Variants in SBF2 observed in about 807,000 individuals in gnomAD.
SBF2 encodes the protein myotubularin-related protein 13.
Under a neutral mutation model 225.2 loss-of-function variants are expected in SBF2, and 112 were observed. The observed-to-expected ratio is 0.50, with a 90% CI of 0.43 to 0.58. The LOEUF (loss-of-function observed/expected upper bound fraction) is 0.58. SBF2 is among the 20% of genes least tolerant of loss of function. The pLI is 0.00. For synonymous variants in SBF2, 763 were observed against 773.3 expected, an observed-to-expected ratio of 0.99 and a Z score of 0.22; for missense variants, 1,996 against 2,206.2, an observed-to-expected ratio of 0.90 and a Z score of 1.91.
At chr11:10,208,012 AAC>A (rs1423581275) in intron 1 of SBF2, among the ~76,000 whole-genome samples, 1 of 152,154 alleles carries the variant, frequency 6.6e-6, no homozygotes, top group African/African-American at 2.4e-5. Flanking sequence ...ATGGTTGATA[AAC>A]TAATCTAAGA....
chr11:9,874,688 C>T lies in SBF2; in HGVS notation c.1930-16292G>A, dbSNP rs139623837. On this transcript the variant is annotated intron_variant, in intron 17 of 39. Transcript: ENST00000256190. ...AGTGACAGCCAGCCAGTGTGATTCA[C>T]TGAGGTACTGCCTACACAAATTAGA... Among the ~76,000 whole-genome samples the T allele has an allele frequency of 2.6e-3, 403 of 152,292 alleles. 3 individuals are homozygous for T. The highest frequency in any genetic ancestry group is 9.3e-3 in the African/African-American group (385 of 41,552).
chr11:10,286,647 G>A (rs1019521571), intron 1 of SBF2, among the ~76,000 whole-genome samples: 7 of 152,184 alleles, frequency 4.6e-5, no homozygotes, highest in Admixed American at 3.3e-4. Flanking sequence ...TGTGAGCCAC[G>A]GCACCCAGCC....
intron 2 of SBF2, among the ~76,000 whole-genome samples, chr11:10,143,565 T>G (rs944265349): frequency 6.6e-6 from 1 of 152,194 alleles, no homozygotes; most frequent in African/African-American, 2.4e-5. Flanking sequence ...ATACCTATAC[T>G]AAAACAGTAA....
intron 38 of SBF2, among the ~76,000 whole-genome samples, chr11:9,782,047 G>C (rs1337892162): frequency 6.6e-6 from 1 of 151,966 alleles, no homozygotes; most frequent in Non-Finnish European, 1.5e-5. Flanking sequence ...TCAGCCAATC[G>C]TGGTGGTGCA....
intron 17 of SBF2, among the ~76,000 whole-genome samples, chr11:9,879,554 T>C (rs1466599314): frequency 6.6e-6 from 1 of 152,146 alleles, no homozygotes; most frequent in Non-Finnish European, 1.5e-5. Context: ...GGGCTAAGCT[T>C]GGTGAGCATA....
At chr11:9,878,466 C>A (rs1477029429) in intron 17 of SBF2, among the ~76,000 whole-genome samples, 1 of 152,108 alleles carries the variant, frequency 6.6e-6, no homozygotes, top group Non-Finnish European at 1.5e-5. Context: ...GAAGTCCTTG[C>A]CCATGCCAAT....
chr11:9,804,477 A>T (rs1853675638), intron 32 of SBF2, among the ~76,000 whole-genome samples: 1 of 152,164 alleles, frequency 6.6e-6, no homozygotes, highest in Non-Finnish European at 1.5e-5. Flanking sequence ...AAATTTCCCT[A>T]CTTTAAGTGT....
chr11:9,862,627 T>C (rs1222835175), intron 17 of SBF2, among the ~76,000 whole-genome samples: 6 of 152,194 alleles, frequency 3.9e-5, no homozygotes, highest in Admixed American at 3.9e-4. Flanking sequence ...AATGAGACTT[T>C]AGGGTTTCAA....
chr11:9,959,482 T>C lies in SBF2; in HGVS notation c.1860+2475A>G, dbSNP rs527908110. On this transcript the variant is annotated intron_variant, in intron 16 of 39. Transcript: ENST00000256190. ...TTTACAGGTGTGCCTCAAATTGGTC[T>C]CTGCAGGCTTTCGATTGCACTTGAA... 53 of 913,730 alleles carry C rather than the reference T, an allele frequency of 5.8e-5. No homozygotes were observed. The African/African-American group carries it at 7.0e-4, about 12-fold the overall frequency. 56.6% of individuals were successfully genotyped at this position (913,730 alleles called of 1,614,324 possible).
intron 1 of SBF2, among the ~76,000 whole-genome samples, chr11:10,276,015 A>T (rs1962934191): frequency 6.6e-6 from 1 of 152,230 alleles, no homozygotes; most frequent in Non-Finnish European, 1.5e-5. Context: ...AAGCTTGAAA[A>T]AAAGCAATGT....
At chr11:10,279,394 C>G (rs1296706496) in intron 1 of SBF2, among the ~76,000 whole-genome samples, 1 of 136,250 alleles carries the variant, frequency 7.3e-6, no homozygotes. Flanking sequence ...GCCTGGGCAA[C>G]AAGAGCGAGA....
chr11:9,933,061 A>C (rs1864618351), intron 16 of SBF2, among the ~76,000 whole-genome samples: 1 of 151,604 alleles, frequency 6.6e-6, no homozygotes, highest in Non-Finnish European at 1.5e-5. Flanking sequence ...AGAGACAAAG[A>C]AGGCCATTAC....
Position 9,794,676 on chromosome 11 carries a change from CAAAAAAAA to C in SBF2, c.4570+1147_4570+1154del, listed in dbSNP as rs575749593. ...TGATACAGTGAGTGGGACTCCGTCT[CAAAAAAAA>C]AAAAAAAAAAAAAAAAAAAAAAAGA... is the stretch of plus-strand genomic sequence containing the variant. On this transcript the variant is annotated intron_variant, in intron 33 of 39. Coordinates refer to ENST00000256190, the MANE Select transcript of SBF2 (RefSeq NM_030962.4). Among the ~76,000 whole-genome samples the C allele has an allele frequency of 2.2e-3, 79 of 35,350 alleles. No homozygotes were observed. In the South Asian group the frequency reaches 0.048, roughly 21 times the overall value. 23.2% of individuals were successfully genotyped at this position (35,350 alleles called of 152,430 possible). A position where few individuals can be genotyped will look rare whatever the true frequency, so the allele number is the denominator to read the frequency against.
intron 31 of SBF2, 166 bp from the exon 32 acceptor site, chr11:9,808,351 T>C: frequency 4.5e-6 from 3 of 660,312 alleles, no homozygotes; most frequent in Non-Finnish European, 8.0e-6. Flanking sequence ...TTTTGTAAAC[T>C]TGCCAGTAAA....
chr11:9,967,971 C>CTCTCTCTCTCTCTA (rs1260685462), intron 14 of SBF2, among the ~76,000 whole-genome samples: 2 of 91,506 alleles, frequency 2.2e-5, no homozygotes, highest in South Asian at 3.4e-4. Flanking sequence ...CTCTCTCTCT[C>CTCTCTCTCTCTCTA]TATATATATA....
At chr11:9,787,954 C>G (rs1590084377) in intron 35 of SBF2, 8 of 585,826 alleles carry the variant, frequency 1.4e-5, no homozygotes, top group East Asian at 1.2e-4. Flanking sequence ...TTATTAGGAC[C>G]TATAACTAGG....
At chr11:9,819,661 GGGGTGTGTAT>G (rs770521073) in intron 28 of SBF2, among the ~76,000 whole-genome samples, 3 of 152,176 alleles carry the variant, frequency 2.0e-5, no homozygotes, top group Non-Finnish European at 4.4e-5. Flanking sequence ...TAAGGAATTT[GGGGTGTGTAT>G]GGGTGAATGT....
At chr11:9,989,245 AG>A (rs981691586) in intron 13 of SBF2, among the ~76,000 whole-genome samples, 1 of 152,112 alleles carries the variant, frequency 6.6e-6, no homozygotes, top group Non-Finnish European at 1.5e-5. Context: ...CTAAGCTATG[AG>A]GACGCAAAGA....
At chr11:10,126,776 G>A (rs952451750) in intron 2 of SBF2, among the ~76,000 whole-genome samples, 2 of 152,034 alleles carry the variant, frequency 1.3e-5, no homozygotes, top group African/African-American at 4.8e-5. Flanking sequence ...AAAAGTGAAA[G>A]TAATCCAACT....
Sources: gnomAD v4.1 joint callset for allele counts (sites outside exome capture counted in the v4.1 genomes callset) on GRCh38, gnomAD v4.1.1 for gene constraint, MANE v1.5 for transcripts, NCBI Gene and HGNC (gene_info 2026-07-23, HGNC 2026-07-21) for gene names.